MACROD2: variants seen among roughly 807,000 people sequenced by gnomAD.
MACROD2 encodes mono-ADP ribosylhydrolase 2.
Under a neutral mutation model 70.4 loss-of-function variants are expected in MACROD2, and 36 were observed. The observed-to-expected ratio is 0.51, with a 90% CI of 0.39 to 0.68. The LOEUF (loss-of-function observed/expected upper bound fraction) is 0.68. Among genes scored for constraint, MACROD2 ranks in the 30% least tolerant of loss-of-function variants. MACROD2 has a pLI of 0.00. For synonymous variants in MACROD2, 172 were observed against 178.8 expected (o/e 0.96, Z 0.30); for missense variants, 496 against 538.4 (o/e 0.92, Z 0.78).
intron 3 of MACROD2, among the ~76,000 whole-genome samples, chr20:14,409,741 A>G (rs1183789589): frequency 6.6e-6 from 1 of 152,160 alleles, no homozygotes; most frequent in Non-Finnish European, 1.5e-5. Flanking sequence ...TCAGATGGCT[A>G]TAAACGTGAG....
Position 15,461,006 on chromosome 20 carries a change from A to ATAT in MACROD2, c.571+29572_571+29573insATT. Among the ~76,000 whole-genome samples the ATAT allele has an allele frequency of 2.3e-3, 154 of 67,000 alleles. 1 individual carries two copies. The highest frequency in any genetic ancestry group is 6.7e-3 in the East Asian group (11 of 1,632). 44.0% of individuals were successfully genotyped at this position (67,000 alleles called of 152,430 possible). On this transcript the variant is annotated intron_variant, in intron 7 of 17. Transcript: ENST00000684519. ...TATATATATATATATATATATATAT[A>ATAT]TTTTTTTTTAATAGATGGGGTCTTG...
In MACROD2 at chr20:15,462,304, G is replaced by A. The variant is rs148947781; in HGVS notation, c.571+30869G>A. Among the ~76,000 whole-genome samples the A allele has an allele frequency of 2.7e-3, 404 of 152,320 alleles. 1 individual carries two copies. The highest frequency in any genetic ancestry group is 9.2e-3 in the African/African-American group (382 of 41,582). Reference sequence around the variant, plus strand: ...CATTCATAGATATTTTACCCGTGCCGTTGAGATAGCTAGTAATAATGTGTG... The same window carrying A: ...CATTCATAGATATTTTACCCGTGCCATTGAGATAGCTAGTAATAATGTGTG... On this transcript the variant is annotated intron_variant, in intron 7 of 17. Transcript: ENST00000684519.
intron 5 of MACROD2, among the ~76,000 whole-genome samples, chr20:14,837,343 G>A (rs879053872): frequency 5.3e-5 from 8 of 151,988 alleles, no homozygotes; most frequent in Admixed American, 3.9e-4. Context: ...TCTTGTTGCA[G>A]TAATGGAGAA....
At chr20:14,235,081 T>G (rs2081856573) in intron 3 of MACROD2, among the ~76,000 whole-genome samples, 1 of 151,986 alleles carries the variant, frequency 6.6e-6, no homozygotes, top group African/African-American at 2.4e-5. Context: ...GGTACAAGAG[T>G]AGTCTAAACA....
chr20:14,269,920 A>C (rs1043236614), intron 3 of MACROD2, among the ~76,000 whole-genome samples: 1 of 152,096 alleles, frequency 6.6e-6, no homozygotes, highest in African/African-American at 2.4e-5. Context: ...AACCCTGGGA[A>C]AAATTCTTGT....
chr20:14,599,888 G>A (rs918950200), intron 4 of MACROD2, among the ~76,000 whole-genome samples: 4 of 152,100 alleles, frequency 2.6e-5, no homozygotes, highest in South Asian at 2.1e-4. Flanking sequence ...GAGCCCATGC[G>A]ATGTGGAGGA....
intron 2 of MACROD2, among the ~76,000 whole-genome samples, chr20:14,069,095 C>T (rs1391488092): frequency 6.6e-6 from 1 of 151,962 alleles, no homozygotes; most frequent in Non-Finnish European, 1.5e-5. Context: ...ATTACAGGCC[C>T]CCGCCATCGT....
rs532984229 is a variant in MACROD2 at position 15,143,863 on chromosome 20, C to G, written c.419-86077C>G. ...ATTCACTAGAGAAGGGGTGTTCAAT[C>G]TTTTGGCTTCCCTGGGCCACGTAGA... On this transcript the variant is annotated intron_variant, in intron 5 of 17. Transcript: ENST00000684519. 1.7e-3 allele frequency among the ~76,000 whole-genome samples: 261 copies of G among 149,758 alleles called. 2 individuals are homozygous for G. The highest frequency in any genetic ancestry group is 1.1e-3 in the Admixed American group (16 of 14,842).
chr20:14,578,079 TAGTC>T, intron 4 of MACROD2, among the ~76,000 whole-genome samples: 1 of 151,708 alleles, frequency 6.6e-6, no homozygotes, highest in African/African-American at 2.4e-5. Context: ...CAATTTTACA[TAGTC>T]AGGAAATGGT....
intron 5 of MACROD2, among the ~76,000 whole-genome samples, chr20:14,965,302 C>T (rs2074622531): frequency 1.3e-5 from 2 of 151,960 alleles, no homozygotes; most frequent in Non-Finnish European, 2.9e-5. Context: ...TATTCTGAAA[C>T]TAGTTGTTCA....
At chr20:14,527,952 C>T (rs1173075147) in intron 4 of MACROD2, among the ~76,000 whole-genome samples, 1 of 152,124 alleles carries the variant, frequency 6.6e-6, no homozygotes, top group African/African-American at 2.4e-5. Context: ...GCCCAGCTCA[C>T]CAAGAAAGGA....
intron 8 of MACROD2, among the ~76,000 whole-genome samples, chr20:15,717,244 A>G (rs2050720172): frequency 6.6e-6 from 1 of 152,226 alleles, no homozygotes; most frequent in Admixed American, 6.5e-5. Flanking sequence ...CTCCTAAATG[A>G]AAACATAGGC....
At chr20:15,610,058 G>T (rs1211202689) in intron 8 of MACROD2, among the ~76,000 whole-genome samples, 1 of 152,162 alleles carries the variant, frequency 6.6e-6, no homozygotes, top group Admixed American at 6.5e-5. Context: ...AATAGCTGAA[G>T]CACAGTACAA....
rs1177514920 is a variant in MACROD2, at chr20:14,702,564, TAC to T, written c.418+17609_418+17610del. 1.1e-3 allele frequency among the ~76,000 whole-genome samples: 140 copies of T among 123,760 alleles called. 15 individuals carry two copies. The highest frequency in any genetic ancestry group is 0.011 in the South Asian group (41 of 3,692). The allele number at this position is 123,760 out of a possible 152,430, so 81.2% of individuals were successfully genotyped here. ...ATATGTGTGTGTGTGTATATATATA[TAC>T]ACATATATGTGTATATATATGTATA... On this transcript the variant is annotated intron_variant, in intron 5 of 17. Transcript: ENST00000684519.
chr20:15,600,845 A>G (rs982518429), intron 8 of MACROD2, among the ~76,000 whole-genome samples: 1 of 152,202 alleles, frequency 6.6e-6, no homozygotes, highest in Non-Finnish European at 1.5e-5. Flanking sequence ...AAATATATAT[A>G]TTATTGCTAG....
chr20:15,430,764 A>G (rs1028495883), intron 6 of MACROD2, among the ~76,000 whole-genome samples: 2 of 151,956 alleles, frequency 1.3e-5, no homozygotes, highest in African/African-American at 4.8e-5. Flanking sequence ...CACAATTTAC[A>G]TATAATAATA....
intron 8 of MACROD2, among the ~76,000 whole-genome samples, chr20:15,639,783 T>C (rs1207746989): frequency 1.3e-5 from 2 of 151,636 alleles, no homozygotes; most frequent in African/African-American, 4.9e-5. Flanking sequence ...GTTTGGGATA[T>C]AGACCATGAG....
intron 1 of MACROD2, among the ~76,000 whole-genome samples, chr20:14,000,810 T>C (rs892414916): frequency 1.6e-4 from 24 of 152,338 alleles, no homozygotes; most frequent in African/African-American, 5.1e-4. Flanking sequence ...TCAATATTAG[T>C]AGTCTATAGG....
At chr20:15,719,776 A>G (rs1279236461) in intron 8 of MACROD2, among the ~76,000 whole-genome samples, 1 of 152,140 alleles carries the variant, frequency 6.6e-6, no homozygotes, top group Non-Finnish European at 1.5e-5. Context: ...ATCACCTCAA[A>G]CATTTATCAT....
Sources: gnomAD v4.1 joint callset for allele counts (sites outside exome capture counted in the v4.1 genomes callset) on GRCh38, gnomAD v4.1.1 for gene constraint, MANE v1.5 for transcripts, NCBI Gene and HGNC (gene_info 2026-07-23, HGNC 2026-07-21) for gene names.